The following MRPS5 variants were observed in gnomAD, a reference collection of about 807,000 sequenced individuals.
MRPS5 encodes the protein small ribosomal subunit protein uS5m.
Under a neutral mutation model 51.9 loss-of-function variants are expected in MRPS5, and 27 were observed. The observed-to-expected ratio is 0.52, with a 90% CI of 0.38 to 0.72. The LOEUF (loss-of-function observed/expected upper bound fraction) is 0.72, where lower values mean the gene tolerates loss of function less well. MRPS5 is among the 30% of genes least tolerant of loss of function. The pLI is 0.00. For synonymous variants in MRPS5, 196 were observed against 193.2 expected, an observed-to-expected ratio of 1.01 and a Z score of -0.12; for missense variants, 570 against 545.7, an observed-to-expected ratio of 1.04 and a Z score of -0.44.
intron 1 of MRPS5, 136 bp downstream of exon 1, chr2:95,121,598 G>A (rs960161639): frequency 2.1e-5 from 20 of 952,168 alleles, no homozygotes; most frequent in Admixed American, 6.5e-5. Flanking sequence ...CGGCTCCGGC[G>A]GAAGGTGGGG....
chr2:95,115,404 T>C (rs1310368735), intron 2 of MRPS5, among the ~76,000 whole-genome samples: 1 of 152,224 alleles, frequency 6.6e-6, no homozygotes, highest in Non-Finnish European at 1.5e-5. Flanking sequence ...GGGAAAGTTA[T>C]AGTTCATCCG....
At chr2:95,110,966 C>A (rs545978986) in intron 3 of MRPS5, among the ~76,000 whole-genome samples, 1 of 152,262 alleles carries the variant, frequency 6.6e-6, no homozygotes, top group South Asian at 2.1e-4. Context: ...GAGTTTAAAA[C>A]TTCTACCTAC....
At position 95,085,570 on chromosome 2, in the gene MRPS5, C is replaced by G. The variant is rs561253586; in HGVS notation, c.*1787G>C. 2.0e-5 allele frequency among the ~76,000 whole-genome samples: 3 copies of G among 152,302 alleles called. No homozygotes were observed. Among genetic ancestry groups the G allele is most frequent in the South Asian group, 4.1e-4 (2 of 4,822 alleles). ...GTCACAGGCTGAAAACTTTCACCAT[C>G]CAGCCTAACATGGCCTGCTCCCTAT... On this transcript the variant is annotated 3_prime_UTR_variant, in exon 12 of 12. Coordinates refer to ENST00000272418, the MANE Select transcript of MRPS5 (RefSeq NM_031902.5).
intron 2 of MRPS5, among the ~76,000 whole-genome samples, chr2:95,116,507 C>T (rs1205194921): frequency 6.6e-6 from 1 of 152,176 alleles, no homozygotes; most frequent in African/African-American, 2.4e-5. Flanking sequence ...TACACTGTTA[C>T]AACCAACTTT....
At chr2:95,114,365 C>T (rs1192941351) in intron 3 of MRPS5, among the ~76,000 whole-genome samples, 2 of 151,454 alleles carry the variant, frequency 1.3e-5, no homozygotes, top group African/African-American at 4.9e-5. Context: ...TCACGCCATT[C>T]TCCTGCCTCA....
chr2:95,097,853 C>A (rs1675673698), intron 10 of MRPS5, among the ~76,000 whole-genome samples: 1 of 152,144 alleles, frequency 6.6e-6, no homozygotes, highest in Non-Finnish European at 1.5e-5. Flanking sequence ...CAAATGGGAT[C>A]TAATTAAACT....
intron 11 of MRPS5, among the ~76,000 whole-genome samples, chr2:95,089,254 C>G (rs533000737): frequency 8.5e-5 from 13 of 152,226 alleles, no homozygotes; most frequent in African/African-American, 3.1e-4. Context: ...TTACCCAAAG[C>G]CTTCTTTTTC....
intron 7 of MRPS5, among the ~76,000 whole-genome samples, chr2:95,102,453 C>A (rs148938187): frequency 6.6e-6 from 1 of 152,150 alleles, no homozygotes; most frequent in African/African-American, 2.4e-5. Context: ...TGCTTGAGCT[C>A]GAGTTCAAGA....
intron 5 of MRPS5, 85 bp from the exon 6 acceptor site, chr2:95,106,542 A>G: frequency 8.8e-7 from 1 of 1,138,716 alleles, no homozygotes; most frequent in Non-Finnish European, 1.3e-6. Flanking sequence ...GCACCATCAC[A>G]GACCTTTCGG....
chr2:95,097,090 T>C (rs533038565), intron 10 of MRPS5, among the ~76,000 whole-genome samples: 12 of 152,134 alleles, frequency 7.9e-5, no homozygotes, highest in Admixed American at 6.5e-4. Context: ...CCACTCACAA[T>C]TGCTACAAAG....
upstream of MRPS5, chr2:95,121,841 C>T (rs1294087894): frequency 1.3e-6 from 2 of 1,493,292 alleles, no homozygotes; most frequent in Non-Finnish European, 1.8e-6. Flanking sequence ...GCCTTGCCCA[C>T]CGCCTACCGC....
Position 95,090,382 on chromosome 2 carries a change from T to C in MRPS5, c.1068+4A>G. ...CTCTGTTTCAGACCCCGGGAAAGGATTACCTGTCTGGAGAGCCCACGGAAG... is the reference window on the plus strand; with the variant it reads ...CTCTGTTTCAGACCCCGGGAAAGGACTACCTGTCTGGAGAGCCCACGGAAG... On this transcript the variant is annotated splice_donor_region_variant and intron_variant, in intron 11 of 11. Coordinates refer to ENST00000272418, the MANE Select transcript of MRPS5 (RefSeq NM_031902.5). 1 of 1,613,060 alleles carries C rather than the reference T, an allele frequency of 6.2e-7. No individual in the cohort carries two copies. Among genetic ancestry groups the C allele is most frequent in the Admixed American group, 1.7e-5 (1 of 59,978 alleles).
At chr2:95,104,451 C>T (rs1277044273) in intron 7 of MRPS5, 189 bp downstream of exon 7, 1 of 646,390 alleles carries the variant, frequency 1.5e-6, no homozygotes, top group African/African-American at 1.8e-5. Flanking sequence ...ACAGTAGAAT[C>T]TATTCTCTCT....
At position 95,108,195 on chromosome 2, in the gene MRPS5, G is replaced by C. The variant is rs1676005428; in HGVS notation, c.617C>G (p.Pro206Arg). 6.2e-7 allele frequency: 1 copy of C among 1,614,030 alleles called. No homozygotes were observed. The highest frequency in any genetic ancestry group is 1.6e-4 in the Middle Eastern group (1 of 6,062). ...NSWGGISLGP[P>R]DPGPCGETYE... ...GCTACCTCCACAGGGACCAGGGTCA[G>C]GGGGGCCAAGACTGATGCCTCCCCA... Residue 206 changes from proline (P) to arginine (R), a missense_variant, in exon 5 of 12, where the codon CCT (proline) becomes CGT (arginine). Transcript: ENST00000272418.
rs552516502 is a variant in MRPS5, at chr2:95,109,827, G to A, written c.403+89C>T. The A allele has an allele frequency of 4.8e-6, 7 of 1,443,494 alleles. No homozygotes were observed. In the East Asian group the frequency reaches 7.0e-5, roughly 15 times the overall value. The allele number at this position is 1,443,494 out of a possible 1,614,324, so 89.4% of individuals were successfully genotyped here. A position where few individuals can be genotyped will look rare whatever the true frequency, so the allele number is the denominator to read the frequency against. Reference sequence around the variant, plus strand: ...GATCGTAGTGCCCTTCATAAGAAATGTTTTGATGCTTCTAGTTTGTAAAAT... The same window carrying A: ...GATCGTAGTGCCCTTCATAAGAAATATTTTGATGCTTCTAGTTTGTAAAAT... On this transcript the variant is annotated intron_variant, in intron 4 of 11. Coordinates refer to ENST00000272418, the MANE Select transcript of MRPS5 (RefSeq NM_031902.5).
At chr2:95,107,569 C>G (rs1239778531) in intron 5 of MRPS5, among the ~76,000 whole-genome samples, 2 of 152,188 alleles carry the variant, frequency 1.3e-5, no homozygotes, top group East Asian at 3.8e-4. Flanking sequence ...CTCTCCCCTC[C>G]AGTTTCAACC....
chr2:95,097,189 A>G lies in MRPS5; in HGVS notation c.931+3285T>C, dbSNP rs193298356. Among the ~76,000 whole-genome samples, 339 of 152,354 alleles carry G rather than the reference A, an allele frequency of 2.2e-3. 2 individuals carry two copies. The highest frequency in any genetic ancestry group is 7.6e-3 in the African/African-American group (318 of 41,572). Reference sequence around the variant, plus strand: ...AAATCACTGCTCAATGAAATAAAAGAGGACACAAACAAATGGAAGAACATT... The same window carrying G: ...AAATCACTGCTCAATGAAATAAAAGGGGACACAAACAAATGGAAGAACATT... On this transcript the variant is annotated intron_variant, in intron 10 of 11. Coordinates refer to ENST00000272418, the MANE Select transcript of MRPS5 (RefSeq NM_031902.5).
At chr2:95,098,646 T>C (rs1210842480) in intron 10 of MRPS5, among the ~76,000 whole-genome samples, 2 of 151,844 alleles carry the variant, frequency 1.3e-5, no homozygotes, top group Non-Finnish European at 2.9e-5. Flanking sequence ...ATGAGAACAC[T>C]TGGACACAGG....
chr2:95,100,283 C>G (rs1675758323), intron 10 of MRPS5, among the ~76,000 whole-genome samples, 191 bp downstream of exon 10: 1 of 152,220 alleles, frequency 6.6e-6, no homozygotes, highest in African/African-American at 2.4e-5. Context: ...CCTGTGCTCA[C>G]AGTAGCCTGT....
Sources: allele counts gnomAD v4.1 joint callset (sites outside exome capture counted in the v4.1 genomes callset), GRCh38; gene constraint gnomAD v4.1.1; transcripts MANE v1.5; gene names NCBI Gene and HGNC (gene_info 2026-07-23, HGNC 2026-07-21).